The following PSMC2 variants were observed in gnomAD, a reference collection of about 807,000 sequenced individuals.
PSMC2 encodes 26S proteasome regulatory subunit 7.
In PSMC2, 7 loss-of-function variants were observed where a neutral mutation model predicts 53.3. The observed-to-expected ratio is 0.13, with a 90% CI of 0.07 to 0.25. The LOEUF (loss-of-function observed/expected upper bound fraction) is 0.25, where lower values mean the gene tolerates loss of function less well. Ranked by LOEUF, PSMC2 falls within the 10% of genes least tolerant of loss-of-function variation. PSMC2 has a pLI of 1.00. For missense variants in PSMC2, 241 were observed against 544.0 expected (o/e 0.44, Z 5.54); for synonymous variants, 169 against 183.9 (o/e 0.92, Z 0.66).
At position 103,364,096 on chromosome 7, in the gene PSMC2, TTTG is replaced by T. The variant is rs1325596492; in HGVS notation, c.592-44_592-42del. ...TTGTTGATTTAGAAGTAGTCTGATT[TTTG>T]TTATACAGAAGTGGTAAGTGTGAAA... On this transcript the variant is annotated intron_variant, in intron 7 of 11. Transcript: ENST00000292644. The T allele has an allele frequency of 8.3e-6, 13 of 1,564,060 alleles. No individual in the cohort carries two copies. In the Admixed American group the frequency reaches 2.1e-4, roughly 25 times the overall value.
chr7:103,350,643 C>T (rs1429889602), intron 1 of PSMC2, among the ~76,000 whole-genome samples: 2 of 152,058 alleles, frequency 1.3e-5, no homozygotes, highest in Non-Finnish European at 2.9e-5. Flanking sequence ...CGTGCACCAC[C>T]ATGCCATGCT....
chr7:103,350,584 G>A (rs969270180), intron 1 of PSMC2, among the ~76,000 whole-genome samples: 1 of 152,028 alleles, frequency 6.6e-6, no homozygotes, highest in East Asian at 1.9e-4. Flanking sequence ...GAACTCCTGG[G>A]CTAAAACCAT....
intron 6 of PSMC2, 142 bp downstream of exon 6, chr7:103,362,900 TCTC>T (rs1315310174): frequency 1.6e-6 from 1 of 629,440 alleles, no homozygotes; most frequent in African/African-American, 1.9e-5. Flanking sequence ...TTCAAGCAAT[TCTC>T]CTGCCTCAGC....
At chr7:103,348,608 A>AC (rs1819657989) in intron 1 of PSMC2, 1 of 1,099,560 alleles carries the variant, frequency 9.1e-7, no homozygotes, top group African/African-American at 1.5e-5. Context: ...AAGATGGGTC[A>AC]CCAGAAGCTA....
upstream of PSMC2, chr7:103,347,578 C>T: frequency 1.0e-6 from 1 of 978,134 alleles, no homozygotes; most frequent in Non-Finnish European, 1.6e-6. Context: ...TCTGTCCGGA[C>T]TCTGAAGCAC....
intron 1 of PSMC2, 49 bp from the exon 2 acceptor site, chr7:103,353,872 T>G (rs1332781716): frequency 2.0e-6 from 3 of 1,519,822 alleles, no homozygotes; most frequent in African/African-American, 1.4e-5. Context: ...TTTAAAAATT[T>G]TAATTCTAGT....
intron 9 of PSMC2, 36 bp downstream of exon 9, chr7:103,366,199 C>A (rs138924268): frequency 3.6e-4 from 547 of 1,538,710 alleles, no homozygotes; most frequent in Non-Finnish European, 4.7e-4. Flanking sequence ...CTTTAGGATT[C>A]AGTTTCATGA....
At chr7:103,362,544 CTCTT>C (rs1820470625) in intron 5 of PSMC2, 138 bp from the exon 6 acceptor site, 3 of 1,386,460 alleles carry the variant, frequency 2.2e-6, no homozygotes, top group Non-Finnish European at 2.9e-6. Context: ...ATTTCATGCT[CTCTT>C]TATTTCTCTT....
At chr7:103,364,088 G>C in intron 7 of PSMC2, 55 bp from the exon 8 acceptor site, 1 of 1,534,210 alleles carries the variant, frequency 6.5e-7, no homozygotes, top group Non-Finnish European at 8.9e-7. Flanking sequence ...TTTAGAAGTA[G>C]TCTGATTTTT....
Position 103,368,770 on chromosome 7 carries a change from G to A in PSMC2, c.*716G>A, listed in dbSNP as rs923657163. On this transcript the variant is annotated 3_prime_UTR_variant, in exon 12 of 12. Coordinates refer to ENST00000292644, the MANE Select transcript of PSMC2 (RefSeq NM_002803.4). Reference sequence around the variant, plus strand: ...AGTAAAAAAAGAAAAAAAAATATTTGTACATATGATCTAATTTAGAAAGTC... The same window carrying A: ...AGTAAAAAAAGAAAAAAAAATATTTATACATATGATCTAATTTAGAAAGTC... 6.6e-5 allele frequency: 10 copies of A among 152,138 alleles called. No homozygotes were observed. In the East Asian group the frequency reaches 1.9e-3, roughly 29 times the overall value. The allele number at this position is 152,138 out of a possible 1,614,324, so 9.4% of individuals were successfully genotyped here.
At chr7:103,354,813 T>C in intron 2 of PSMC2, 55 bp from the exon 3 acceptor site, 3 of 1,162,918 alleles carry the variant, frequency 2.6e-6, no homozygotes, top group Non-Finnish European at 3.8e-6. Flanking sequence ...TACCTGTAGT[T>C]TTAATAAATG....
chr7:103,367,447 T>C lies in PSMC2; in HGVS notation c.879T>C (p.Asn293=), dbSNP rs1301588772. The change falls in exon 10 of 12, where the codon AAT becomes AAC. Residue 293 remains asparagine (N), a synonymous_variant. Transcript: ENST00000292644. The surrounding 1 kb of genome is among the most constrained non-coding windows in gnomAD (Gnocchi z 6.1). ...ARFDDGAGGD[N]EVQRTMLELI... ...TTGATGATGGTGCTGGAGGTGACAA[T>C]GAAGTGCAGAGAACAATGTTGGAAC... is the stretch of plus-strand genomic sequence containing the variant. 2.5e-6 allele frequency: 4 copies of C among 1,613,860 alleles called. No homozygotes were observed. The highest frequency in any genetic ancestry group is 3.4e-6 in the Non-Finnish European group (4 of 1,180,000).
Position 103,367,913 on chromosome 7 carries a change from C to T in PSMC2, c.1161C>T (p.Ser387=), listed in dbSNP as rs183253099. 16 of 1,613,774 alleles carry T rather than the reference C, an allele frequency of 9.9e-6. No homozygotes were observed. The highest frequency in any genetic ancestry group is 6.7e-5 in the East Asian group (3 of 44,866). The change falls in exon 12 of 12, where the codon AGC becomes AGT. Residue 387 remains serine, a synonymous_variant. Transcript: ENST00000292644. The surrounding 1 kb of genome is among the most constrained non-coding windows in gnomAD (Gnocchi z 6.1). The stretch of plus-strand genomic sequence containing the variant: ...GTTTGAAAGGTGCTGAGATTAGAAG[C>T]GTCTGCACAGAGGCTGGTATGTTTG... The part of the protein sequence containing the change: ...CPNSTGAEIR[S]VCTEAGMFAI...
chr7:103,363,396 A>C lies in PSMC2; in HGVS notation c.548A>C (p.Gln183Pro). The stretch of plus-strand genomic sequence containing the variant: ...AGTGATGTTGGTGGCTGTAAGGAAC[A>C]GATTGAGAAACTGCGAGAAGTAGTT... The part of the protein sequence containing the change: ...TYSDVGGCKE[Q>P]IEKLREVVET... Residue 183 changes from glutamine to proline, a missense_variant, in exon 7 of 12, where the codon CAG (glutamine) becomes CCG (proline). Transcript: ENST00000292644. 1.2e-6 allele frequency: 2 copies of C among 1,614,104 alleles called. No homozygotes were observed. Among genetic ancestry groups the C allele is most frequent in the Non-Finnish European group, 1.7e-6 (2 of 1,179,938 alleles).
Position 103,368,194 on chromosome 7 carries a change from G to A in PSMC2, c.*140G>A. ...ATCTCTTCTTGTAATATAATAAAAG[G>A]TGATTTCTAATGTTATTAGGCAGAA... On this transcript the variant is annotated 3_prime_UTR_variant, in exon 12 of 12. Transcript: ENST00000292644. 1 of 787,036 alleles carries A rather than the reference G, an allele frequency of 1.3e-6. No homozygotes were observed. Among genetic ancestry groups the A allele is most frequent in the Non-Finnish European group, 1.9e-6 (1 of 523,810 alleles). 48.8% of individuals were successfully genotyped at this position (787,036 alleles called of 1,614,324 possible).
rs753838245 is a variant in PSMC2, at chr7:103,367,725, A to G, written c.1060A>G (p.Ile354Val). Reference sequence around the variant, plus strand: ...TTCTCATTTTTAGGGTCGGACCCACATATTTAAGATTCACGCTCGTTCAAT... The same window carrying G: ...TTCTCATTTTTAGGGTCGGACCCACGTATTTAAGATTCACGCTCGTTCAAT... Reference protein sequence around the residue: ...SLPDLEGRTHIFKIHARSMSV... With the variant: ...SLPDLEGRTHVFKIHARSMSV... The change falls in exon 11 of 12, where the codon ATA (isoleucine) becomes GTA (valine). Residue 354 changes from isoleucine (I) to valine (V), a missense_variant. This residue lies in a region of PSMC2 where 60 missense variants were observed against 115.8 expected (regional missense o/e 0.52). Coordinates refer to ENST00000292644, the MANE Select transcript of PSMC2 (RefSeq NM_002803.4). This position sits in a 1 kb window ranked among gnomAD's most constrained non-coding sequence, Gnocchi z 6.1. 3.1e-6 allele frequency: 5 copies of G among 1,613,498 alleles called. No individual in the cohort carries two copies. Among genetic ancestry groups the G allele is most frequent in the Non-Finnish European group, 8.5e-7 (1 of 1,179,814 alleles).
upstream of PSMC2, chr7:103,347,525 TA>T: frequency 1.7e-6 from 1 of 581,702 alleles, no homozygotes. Flanking sequence ...TTCTCACAGG[TA>T]ATCAGTCCAA....
chr7:103,358,027 C>T (rs1820142881), intron 4 of PSMC2, among the ~76,000 whole-genome samples: 1 of 152,176 alleles, frequency 6.6e-6, no homozygotes, highest in South Asian at 2.1e-4. Context: ...CTGGAGATTG[C>T]CCTTTACCTC....
chr7:103,368,773 C>A lies in PSMC2; in HGVS notation c.*719C>A, dbSNP rs549574235. The stretch of plus-strand genomic sequence containing the variant: ...AAAAAAAGAAAAAAAAATATTTGTA[C>A]ATATGATCTAATTTAGAAAGTCCAG... On this transcript the variant is annotated 3_prime_UTR_variant, in exon 12 of 12. Transcript: ENST00000292644. 3 of 152,206 alleles carry A rather than the reference C, an allele frequency of 2.0e-5. No individual in the cohort carries two copies. The South Asian group carries it at 6.2e-4, about 32-fold the overall frequency. 9.4% of individuals were successfully genotyped at this position (152,206 alleles called of 1,614,324 possible).
Sources: allele counts gnomAD v4.1 joint callset (sites outside exome capture counted in the v4.1 genomes callset), GRCh38; gene constraint gnomAD v4.1.1; regional missense constraint gnomAD v4.1.1; non-coding constraint Gnocchi (gnomAD v3.1); transcripts MANE v1.5; gene names NCBI Gene and HGNC (gene_info 2026-07-23, HGNC 2026-07-21).